POLE: variants seen among roughly 807,000 people sequenced by gnomAD.
The protein encoded by POLE is DNA polymerase epsilon, catalytic subunit, also known as DNA polymerase epsilon catalytic subunit A.
Under a neutral mutation model 279.2 loss-of-function variants are expected in POLE, and 188 were observed. That is an observed-to-expected ratio of 0.67 (90% confidence interval 0.60 to 0.76). The LOEUF (loss-of-function observed/expected upper bound fraction) is 0.76, where lower values mean the gene tolerates loss of function less well. POLE is among the 30% of genes least tolerant of loss of function. The probability of loss-of-function intolerance (pLI) is 0.00; values close to 1 mark genes in which losing one functional copy is unlikely to be tolerated. For synonymous variants in POLE, 1,214 were observed against 1,172.5 expected (o/e 1.04, Z -0.72); for missense variants, 2,703 against 3,016.7 (o/e 0.90, Z 2.44).
intron 32 of POLE, among the ~76,000 whole-genome samples, chr12:132,647,825 G>A (rs569432205): frequency 6.6e-6 from 1 of 152,206 alleles, no homozygotes; most frequent in South Asian, 2.1e-4. Flanking sequence ...ATGCCTCTGC[G>A]TCCGCTTTCC....
rs75329753 is a variant in POLE, at chr12:132,665,463, T to C, written c.2320-13A>G. 3.6e-3 allele frequency: 5,796 copies of C among 1,601,642 alleles called. 143 individuals are homozygous for C. The African/African-American group carries it at 0.058, about 16-fold the overall frequency. ...TCTTTTTCCACACCTGAGAAGCACA[T>C]GAACATGGAGCACCTCACAGATTCT... is the stretch of plus-strand genomic sequence containing the variant. On this transcript the variant is annotated splice_polypyrimidine_tract_variant and intron_variant, in intron 20 of 48. Coordinates refer to ENST00000320574, the MANE Select transcript of POLE (RefSeq NM_006231.4).
At position 132,634,317 on chromosome 12, in the gene POLE, T is replaced by C. The variant is rs375406865; in HGVS notation, c.5873A>G (p.Glu1958Gly). Residue 1958 changes from glutamate (E) to glycine (G), a missense_variant, in exon 43 of 49, where the codon GAA becomes GGA. Transcript: ENST00000320574. This position sits in a 1 kb window ranked among gnomAD's most constrained non-coding sequence, Gnocchi z 4.0. Reference sequence around the variant, plus strand: ...CTCTTCCTCCTCCTCCCCATCTCTTTCCTCCTCATCGTCCTCATTTTCCTG... The same window carrying C: ...CTCTTCCTCCTCCTCCCCATCTCTTCCCTCCTCATCGTCCTCATTTTCCTG... ...DEQENEDDEE[E>G]RDGEEEEEAE... is the part of the protein sequence containing the mutation. The C allele has an allele frequency of 5.6e-6, 9 of 1,614,020 alleles. No homozygotes were observed. The African/African-American group carries it at 1.2e-4, about 22-fold the overall frequency.
At chr12:132,650,045 C>T (rs1373709456) in intron 29 of POLE, among the ~76,000 whole-genome samples, 156 bp from the exon 30 acceptor site, 1 of 152,000 alleles carries the variant, frequency 6.6e-6, no homozygotes, top group Non-Finnish European at 1.5e-5. Context: ...CCTGTCTCTA[C>T]AAAATATATT....
In POLE at chr12:132,649,664, C is replaced by T. The variant is rs2042374489; in HGVS notation, c.3795+13G>A. 6.2e-7 allele frequency: 1 copy of T among 1,613,492 alleles called. No individual in the cohort carries two copies. The highest frequency in any genetic ancestry group is 2.2e-5 in the East Asian group (1 of 44,872). Reference sequence around the variant, plus strand: ...CCCTCAGAGACAGACAGTATCACAGCTGTGTGCCTTACCTGGCTGGTTCCC... The same window carrying T: ...CCCTCAGAGACAGACAGTATCACAGTTGTGTGCCTTACCTGGCTGGTTCCC... On this transcript the variant is annotated intron_variant, in intron 30 of 48. Coordinates refer to ENST00000320574, the MANE Select transcript of POLE (RefSeq NM_006231.4).
Position 132,661,396 on chromosome 12 carries a change from C to A in POLE, c.2864+131G>T, listed in dbSNP as rs562476670. 2 of 1,089,386 alleles carry A rather than the reference C, an allele frequency of 1.8e-6. No individual in the cohort carries two copies. The highest frequency in any genetic ancestry group is 3.2e-5 in the African/African-American group (2 of 63,374). The allele number at this position is 1,089,386 out of a possible 1,614,324, so 67.5% of individuals were successfully genotyped here. ...GGCGGGCAGACAGAGCTGGTGCAAA[C>A]GGAATCAGTAAGATCACAAGAACCC... On this transcript the variant is annotated intron_variant, in intron 24 of 48. Coordinates refer to ENST00000320574, the MANE Select transcript of POLE (RefSeq NM_006231.4). The surrounding 1 kb of genome is among the most constrained non-coding windows in gnomAD (Gnocchi z 4.1).
intron 42 of POLE, among the ~76,000 whole-genome samples, chr12:132,635,045 C>T (rs368625063): frequency 2.0e-5 from 3 of 152,168 alleles, no homozygotes; most frequent in Admixed American, 6.5e-5. Context: ...GACATCTGAG[C>T]CCCTGGCTCT....
In POLE at chr12:132,635,988, A is replaced by C; in HGVS notation, c.5715T>G (p.Ile1905Met). The C allele has an allele frequency of 6.2e-7, 1 of 1,614,038 alleles. No homozygotes were observed. The highest frequency in any genetic ancestry group is 8.5e-7 in the Non-Finnish European group (1 of 1,179,932). The change falls in exon 42 of 49, where the codon ATT (isoleucine) becomes ATG (methionine). Residue 1905 changes from isoleucine (I) to methionine (M), a missense_variant. Ile to Met is a conservative substitution (Grantham distance 10, BLOSUM62 1). This residue lies in a region of POLE where 1,551 missense variants were observed against 1,686.1 expected (regional missense o/e 0.92). Transcript: ENST00000320574. Reference protein sequence around the residue: ...HSKETFHSLTISFSRCWEFLL... With the variant: ...HSKETFHSLTMSFSRCWEFLL... ...GAAATTCCCAGCATCGAGAGAAAGA[A>C]ATTGTCAGAGAATGGAAGGTCTCCT...
intron 25 of POLE, 107 bp downstream of exon 25, chr12:132,660,862 G>C: frequency 1.2e-6 from 1 of 849,150 alleles, no homozygotes; most frequent in Non-Finnish European, 1.8e-6. Flanking sequence ...GACTGGCCCT[G>C]TGTTCTTCGG....
At chr12:132,680,557 C>T (rs1472521318) in intron 3 of POLE, 50 bp downstream of exon 3, 1 of 1,385,598 alleles carries the variant, frequency 7.2e-7, no homozygotes, top group Non-Finnish European at 1.0e-6. Flanking sequence ...CACAGAGCTA[C>T]ATGAACACCC....
At chr12:132,631,452 A>G (rs2041931593) in intron 45 of POLE, among the ~76,000 whole-genome samples, 1 of 152,198 alleles carries the variant, frequency 6.6e-6, no homozygotes, top group African/African-American at 2.4e-5. Context: ...TAAAATATGT[A>G]AAAGTCAATA....
At chr12:132,682,726 T>C (rs145191427) in intron 1 of POLE, among the ~76,000 whole-genome samples, 2 of 151,560 alleles carry the variant, frequency 1.3e-5, no homozygotes, top group Non-Finnish European at 2.9e-5. Flanking sequence ...CCAAGGAGGG[T>C]GGATGACTTG....
intron 6 of POLE, 102 bp downstream of exon 6, chr12:132,679,395 C>G: frequency 8.4e-7 from 1 of 1,183,512 alleles, no homozygotes. Context: ...CCGTATCAAA[C>G]AGAGCCAGCC....
chr12:132,673,305 C>A (rs778697672), intron 13 of POLE, 28 bp from the exon 14 acceptor site: 4 of 1,486,348 alleles, frequency 2.7e-6, no homozygotes. Flanking sequence ...GAGAGCAGGG[C>A]CATCAAAAAT....
chr12:132,657,011 A>G, intron 29 of POLE, 125 bp downstream of exon 29: 2 of 1,055,134 alleles, frequency 1.9e-6, no homozygotes, highest in Middle Eastern at 6.2e-4. Flanking sequence ...GCACATTTTC[A>G]GAAAAAGTCC....
intron 12 of POLE, among the ~76,000 whole-genome samples, chr12:132,674,644 C>T (rs967748046): frequency 2.0e-5 from 3 of 152,224 alleles, no homozygotes; most frequent in African/African-American, 7.2e-5. Flanking sequence ...ACCCTCACTC[C>T]CTGCCTTGGA....
At position 132,672,855 on chromosome 12, in the gene POLE, A is replaced by T; in HGVS notation, c.1474-16T>A. 9 of 1,609,452 alleles carry T rather than the reference A, an allele frequency of 5.6e-6. No homozygotes were observed. The highest frequency in any genetic ancestry group is 7.6e-6 in the Non-Finnish European group (9 of 1,177,292). ...TCCGCAGCACCTGCAAGAGAAACCA[A>T]GGCTTCCAGCCAAAAGCAACACCAA... On this transcript the variant is annotated splice_polypyrimidine_tract_variant and intron_variant, in intron 14 of 48. Coordinates refer to ENST00000320574, the MANE Select transcript of POLE (RefSeq NM_006231.4).
chr12:132,666,983 G>GA (rs1046453062), intron 20 of POLE, among the ~76,000 whole-genome samples: 3 of 151,938 alleles, frequency 2.0e-5, no homozygotes, highest in Admixed American at 6.6e-5. Context: ...AGGTCTCTCA[G>GA]AAAAAAAATG....
chr12:132,626,367 C>A (rs1171132317), intron 45 of POLE, 50 bp from the exon 46 acceptor site: 3 of 1,564,728 alleles, frequency 1.9e-6, no homozygotes, highest in Non-Finnish European at 2.6e-6. Flanking sequence ...GGCCTCCCTG[C>A]TGCTCTGTCT....
chr12:132,646,703 G>A (rs1367735214), intron 32 of POLE, among the ~76,000 whole-genome samples: 3 of 151,800 alleles, frequency 2.0e-5, no homozygotes, highest in African/African-American at 4.8e-5. Context: ...GTGGTGGTGC[G>A]TGCCTGTAAT....
Sources: gnomAD v4.1 joint callset for allele counts (sites outside exome capture counted in the v4.1 genomes callset) on GRCh38, gnomAD v4.1.1 for gene constraint, gnomAD v4.1.1 regional missense constraint, Gnocchi (gnomAD v3.1) non-coding constraint, MANE v1.5 for transcripts, NCBI Gene and HGNC (gene_info 2026-07-23, HGNC 2026-07-21) for gene names.